The following DACH2 variants were observed in gnomAD, a reference collection of about 807,000 sequenced individuals.
DACH2 encodes the protein dachshund family transcription factor 2.
A neutral mutation model predicts 35.8 loss-of-function variants in DACH2; 17 were observed. The observed-to-expected ratio is 0.48, with a 90% confidence interval of 0.33 to 0.71. The LOEUF (loss-of-function observed/expected upper bound fraction) is 0.71. DACH2 is among the 30% of genes least tolerant of loss of function. DACH2 has a pLI of 0.02. For missense variants in DACH2, 469 were observed against 472.7 expected, an observed-to-expected ratio of 0.99 and a Z score of 0.07; for synonymous variants, 195 against 177.3, an observed-to-expected ratio of 1.10 and a Z score of -0.79.
At chrX:86,722,269 C>T (rs989482586) in intron 6 of DACH2, among the ~76,000 whole-genome samples, 6 of 111,405 alleles carry the variant, frequency 5.4e-5, no homozygotes, top group African/African-American at 1.3e-4. Flanking sequence ...TTTTTTTAAA[C>T]GCATTTTCTG....
chrX:86,390,996 C>A (rs1407062649), intron 2 of DACH2, among the ~76,000 whole-genome samples: 1 of 109,769 alleles, frequency 9.1e-6, no homozygotes, highest in Non-Finnish European at 1.9e-5. Context: ...TGAAAGGTTT[C>A]TTGGCCCGGT....
intron 7 of DACH2, among the ~76,000 whole-genome samples, chrX:86,770,008 A>T (rs892825338): frequency 9.4e-6 from 1 of 106,799 alleles, no homozygotes; most frequent in Non-Finnish European, 1.9e-5. Context: ...TAAAAAAAAT[A>T]AATAAAAAAT....
intron 1 of DACH2, among the ~76,000 whole-genome samples, chrX:86,200,472 A>G (rs986040493): frequency 9.0e-6 from 1 of 111,015 alleles, no homozygotes; most frequent in African/African-American, 3.3e-5. Context: ...CAAAAAAACT[A>G]TCAACAGAGT....
chrX:86,530,796 A>C lies in DACH2; in HGVS notation c.640+16405A>C. Among the ~76,000 whole-genome samples, 4 of 112,074 alleles carry C rather than the reference A, an allele frequency of 3.6e-5. 1 individual carries two copies. The highest frequency in any genetic ancestry group is 4.6e-3 in the Middle Eastern group (1 of 216). ...GGAAGAATTTGGAGGGCTCAGAAGA[A>C]GACAGGAAGATGAGGTAAAATCTGG... On this transcript the variant is annotated intron_variant, in intron 3 of 11. Coordinates refer to ENST00000373125, the MANE Select transcript of DACH2 (RefSeq NM_053281.3).
intron 3 of DACH2, among the ~76,000 whole-genome samples, chrX:86,595,774 TTATATA>T (rs774396729): frequency 9.2e-6 from 1 of 108,603 alleles, no homozygotes; most frequent in African/African-American, 3.3e-5. Flanking sequence ...ATATATAGTT[TTATATA>T]TATATAGTTT....
chrX:86,666,312 T>TGTGTGTGAGA (rs112267843), intron 4 of DACH2, among the ~76,000 whole-genome samples: 16 of 99,949 alleles, frequency 1.6e-4, no homozygotes, highest in South Asian at 1.4e-3. Flanking sequence ...TGTGTGTGTG[T>TGTGTGTGAGA]GAGAGAGAGA....
At chrX:86,308,690 C>G (rs1020989032) in intron 1 of DACH2, among the ~76,000 whole-genome samples, 4 of 111,756 alleles carry the variant, frequency 3.6e-5, no homozygotes, top group African/African-American at 1.3e-4. Context: ...TTTCACCCAT[C>G]TTTCCCCAAG....
At chrX:86,470,764 A>C (rs1056900964) in intron 2 of DACH2, among the ~76,000 whole-genome samples, 1 of 111,198 alleles carries the variant, frequency 9.0e-6, no homozygotes, top group Non-Finnish European at 1.9e-5. Context: ...TCAAAACTGC[A>C]CTTGTACTCC....
chrX:86,399,577 G>A (rs182074835), intron 2 of DACH2, among the ~76,000 whole-genome samples: 115 of 111,704 alleles, frequency 1.0e-3, no homozygotes, highest in African/African-American at 3.5e-3. Flanking sequence ...GGCAGGTCTG[G>A]TGTGACAGAA....
chrX:86,825,736 C>T (rs1436637224), intron 11 of DACH2, among the ~76,000 whole-genome samples: 1 of 111,534 alleles, frequency 9.0e-6, no homozygotes, highest in African/African-American at 3.3e-5. Flanking sequence ...TAATGTGGCT[C>T]AACAGTTGCA....
chrX:86,432,893 G>A, intron 2 of DACH2, among the ~76,000 whole-genome samples: 1 of 111,928 alleles, frequency 8.9e-6, no homozygotes, highest in African/African-American at 3.2e-5. Context: ...ACACAATTCG[G>A]CCACTGGAGA....
intron 2 of DACH2, among the ~76,000 whole-genome samples, chrX:86,511,587 G>GA (rs2038397476): frequency 9.0e-6 from 1 of 111,477 alleles, no homozygotes; most frequent in Non-Finnish European, 1.9e-5. Context: ...ATATATCAAT[G>GA]AAAAAATCAA....
intron 7 of DACH2, among the ~76,000 whole-genome samples, chrX:86,804,808 G>T (rs1463460887): frequency 1.8e-5 from 2 of 112,592 alleles, no homozygotes; most frequent in East Asian, 5.7e-4. Flanking sequence ...CTCCAAAAGA[G>T]TATCCTTTGA....
intron 3 of DACH2, 144 bp downstream of exon 3, chrX:86,514,535 G>A (rs765998004): frequency 1.3e-5 from 7 of 523,225 alleles, no homozygotes; most frequent in East Asian, 1.1e-4. Context: ...TTATGTGTTC[G>A]TGAAAACAAA....
chrX:86,801,524 A>C (rs2042294501), intron 7 of DACH2, among the ~76,000 whole-genome samples: 1 of 112,519 alleles, frequency 8.9e-6, no homozygotes, highest in Non-Finnish European at 1.9e-5. Context: ...ACTGTCTGTC[A>C]TTAGTACTGT....
intron 10 of DACH2, among the ~76,000 whole-genome samples, chrX:86,815,541 C>T (rs2042439348): frequency 9.3e-6 from 1 of 107,669 alleles, no homozygotes; most frequent in Non-Finnish European, 1.9e-5. Flanking sequence ...AGACCACAAA[C>T]CATAATGAGT....
intron 1 of DACH2, among the ~76,000 whole-genome samples, chrX:86,254,807 T>TATAGAGAGAGAGAGAG (rs1380613474): frequency 2.2e-4 from 11 of 49,648 alleles, no homozygotes; most frequent in African/African-American, 1.3e-3. Context: ...TATATATATA[T>TATAGAGAGAGAGAGAG]AGAGAGAGAG....
At chrX:86,168,767 A>C (rs2031028750) in intron 1 of DACH2, among the ~76,000 whole-genome samples, 1 of 109,662 alleles carries the variant, frequency 9.1e-6, no homozygotes, top group African/African-American at 3.3e-5. Context: ...CATTAAAAAA[A>C]GACAACTAAT....
At chrX:86,495,352 C>T (rs1175149454) in intron 2 of DACH2, among the ~76,000 whole-genome samples, 2 of 109,387 alleles carry the variant, frequency 1.8e-5, no homozygotes, top group African/African-American at 6.7e-5. Context: ...GCCACTGCAT[C>T]CAGACTTTTT....
Sources: gnomAD v4.1 joint callset for allele counts (sites outside exome capture counted in the v4.1 genomes callset) on GRCh38, gnomAD v4.1.1 for gene constraint, MANE v1.5 for transcripts, NCBI Gene and HGNC (gene_info 2026-07-23, HGNC 2026-07-21) for gene names.